PRIM2: variants seen among roughly 807,000 people sequenced by gnomAD.
PRIM2 encodes DNA primase large subunit.
A neutral mutation model predicts 67.3 loss-of-function variants in PRIM2; 39 were observed. The observed-to-expected ratio is 0.58, with a 90% CI of 0.45 to 0.76. The LOEUF is 0.76. Ranked by LOEUF, PRIM2 falls within the 30% of genes least tolerant of loss-of-function variation. The pLI, the probability that PRIM2 is intolerant of heterozygous loss-of-function variation, is 0.00. For synonymous variants in PRIM2, 143 were observed against 198.7 expected (o/e 0.72, Z 2.36); for missense variants, 398 against 598.7 (o/e 0.66, Z 3.50).
At chr6:57,585,405 T>A (rs1776171269) in intron 10 of PRIM2, among the ~76,000 whole-genome samples, 1 of 152,236 alleles carries the variant, frequency 6.6e-6, no homozygotes, top group Admixed American at 6.5e-5. Context: ...GAGACCTTAG[T>A]ATAGAACAGG....
chr6:57,320,061 CT>C (rs1419015725), intron 2 of PRIM2, among the ~76,000 whole-genome samples: 1 of 152,162 alleles, frequency 6.6e-6, no homozygotes, highest in Non-Finnish European at 1.5e-5. Flanking sequence ...GGAAGGGATG[CT>C]TTTTTTCTGT....
chr6:57,308,987 G>C, the PRIM2 span, among the ~76,000 whole-genome samples: 1 of 151,316 alleles, frequency 6.6e-6, no homozygotes, highest in Admixed American at 6.6e-5. Context: ...TCTCAGAGAG[G>C]GGGATGTGGC....
At chr6:57,462,138 T>C (rs9476002) in intron 7 of PRIM2, among the ~76,000 whole-genome samples, 5 of 152,124 alleles carry the variant, frequency 3.3e-5, no homozygotes, top group African/African-American at 9.7e-5. Context: ...TCAAAATGAG[T>C]GCAGAAAGCT....
chr6:57,319,053 G>A (rs1412911858), intron 2 of PRIM2, among the ~76,000 whole-genome samples: 1 of 152,196 alleles, frequency 6.6e-6, no homozygotes, highest in Admixed American at 6.5e-5. Flanking sequence ...ACTGAAGAAT[G>A]AGTAGAAATT....
chr6:57,297,658 A>C, the PRIM2 span, among the ~76,000 whole-genome samples: 1 of 152,198 alleles, frequency 6.6e-6, no homozygotes, highest in Non-Finnish European at 1.5e-5. Context: ...TAGCATCTTA[A>C]CCAAATGACA....
intron 7 of PRIM2, among the ~76,000 whole-genome samples, chr6:57,411,151 C>A (rs1419485009): frequency 2.6e-5 from 4 of 151,894 alleles, no homozygotes; most frequent in Non-Finnish European, 5.9e-5. Flanking sequence ...CTCTCTTGCT[C>A]CTGCTCTCAC....
intron 5 of PRIM2, among the ~76,000 whole-genome samples, chr6:57,336,225 G>T (rs1392050067): frequency 2.6e-5 from 4 of 152,112 alleles, no homozygotes; most frequent in African/African-American, 9.7e-5. Flanking sequence ...GACCAAATCT[G>T]CGTCTGATTG....
intron 7 of PRIM2, among the ~76,000 whole-genome samples, chr6:57,425,829 A>AT (rs1190006536): frequency 1.3e-5 from 2 of 152,030 alleles, no homozygotes; most frequent in Non-Finnish European, 2.9e-5. Context: ...TTATTAATTC[A>AT]TTTTTTTCTT....
chr6:57,608,880 A>G (rs1385692318), intron 12 of PRIM2, among the ~76,000 whole-genome samples: 1 of 152,214 alleles, frequency 6.6e-6, no homozygotes, highest in African/African-American at 2.4e-5. Flanking sequence ...TATAAAAGAA[A>G]GAAAATATCT....
chr6:57,339,677 C>T, intron 5 of PRIM2, among the ~76,000 whole-genome samples: 1 of 152,146 alleles, frequency 6.6e-6, no homozygotes, highest in Non-Finnish European at 1.5e-5. Flanking sequence ...AACTGGATCC[C>T]TTCCTTACAC....
At chr6:57,312,955 C>T (rs1378876687), upstream of PRIM2, among the ~76,000 whole-genome samples, 1 of 152,092 alleles carries the variant, frequency 6.6e-6, no homozygotes, top group East Asian at 1.9e-4. Flanking sequence ...TTTTTTCTTC[C>T]ATTGATTTGT....
At chr6:57,500,043 T>C (rs1267798730) in intron 7 of PRIM2, among the ~76,000 whole-genome samples, 13 of 152,146 alleles carry the variant, frequency 8.5e-5, no homozygotes, top group Non-Finnish European at 1.6e-4. Flanking sequence ...TTTCCCACCT[T>C]CCTCTTCTGT....
chr6:57,294,205 C>T, the PRIM2 span, among the ~76,000 whole-genome samples: 12 of 152,142 alleles, frequency 7.9e-5, no homozygotes, highest in Admixed American at 6.5e-4. Flanking sequence ...ATAGGCCAGG[C>T]GTGGTGGCTC....
chr6:57,272,344 C>T, the PRIM2 span, among the ~76,000 whole-genome samples: 3 of 152,230 alleles, frequency 2.0e-5, no homozygotes, highest in South Asian at 2.1e-4. Flanking sequence ...GGATAGTTAG[C>T]TCTTCTTATT....
intron 7 of PRIM2, among the ~76,000 whole-genome samples, chr6:57,392,923 G>A (rs76389894): frequency 1.3e-5 from 2 of 148,884 alleles, no homozygotes; most frequent in African/African-American, 2.6e-5. Context: ...GTTACTTCAC[G>A]TAGAATAGTA....
chr6:57,295,749 G>A, the PRIM2 span, among the ~76,000 whole-genome samples: 2 of 152,120 alleles, frequency 1.3e-5, no homozygotes, highest in African/African-American at 4.8e-5. Flanking sequence ...CAGCTACACA[G>A]GCACCTTAAC....
intron 10 of PRIM2, among the ~76,000 whole-genome samples, chr6:57,588,900 A>G (rs1776240043): frequency 2.6e-5 from 4 of 152,136 alleles, no homozygotes; most frequent in East Asian, 3.9e-4. Flanking sequence ...TTCTCTTTCC[A>G]TGTTGTCTTT....
At chr6:57,593,070 A>G (rs1427069331) in intron 10 of PRIM2, among the ~76,000 whole-genome samples, 2 of 152,124 alleles carry the variant, frequency 1.3e-5, no homozygotes, top group Non-Finnish European at 2.9e-5. Flanking sequence ...TCTTGAGTTC[A>G]TCATTTAACA....
chr6:57,638,836 A>G (rs1383054509), intron 13 of PRIM2, among the ~76,000 whole-genome samples: 26 of 152,048 alleles, frequency 1.7e-4, no homozygotes, highest in African/African-American at 5.8e-4. Context: ...CCCACTGTCA[A>G]TATTAGATCA....
Sources: allele counts gnomAD v4.1 joint callset (sites outside exome capture counted in the v4.1 genomes callset), GRCh38; gene constraint gnomAD v4.1.1; transcripts MANE v1.5; gene names NCBI Gene and HGNC (gene_info 2026-07-23, HGNC 2026-07-21).